Variants in PML observed in about 807,000 individuals in gnomAD.
The protein encoded by PML is protein PML.
A neutral mutation model predicts 65.2 loss-of-function variants in PML; 28 were observed. The ratio of observed to expected loss-of-function variants is 0.43; its 90% confidence interval spans 0.32 to 0.59. The LOEUF is 0.59. Among genes scored for constraint, PML ranks in the 20% least tolerant of loss-of-function variants. PML has a pLI of 0.08. For synonymous variants in PML, 500 were observed against 508.8 expected, an observed-to-expected ratio of 0.98 and a Z score of 0.23; for missense variants, 1,021 against 1,203.4, an observed-to-expected ratio of 0.85 and a Z score of 2.24.
Position 74,022,932 on chromosome 15 carries a change from G to T in PML, c.707G>T (p.Arg236Leu). 8.1e-6 allele frequency: 13 copies of T among 1,612,162 alleles called. No homozygotes were observed. Among genetic ancestry groups the T allele is most frequent in the Admixed American group, 1.7e-5 (1 of 59,800 alleles). Reference protein sequence around the residue: ...KCDISAEIQQRQEELDAMTQA... With the variant: ...KCDISAEIQQLQEELDAMTQA... ...GACATCAGCGCAGAGATCCAGCAGC[G>T]ACAGGAGGAGCTGGACGCCATGACG... Residue 236 changes from arginine (R) to leucine (L), a missense_variant, in exon 3 of 9, where the codon CGA (arginine) becomes CTA (leucine). By Grantham distance (102) the Arg-to-Leu change is moderately radical. Transcript: ENST00000268058.
chr15:74,034,383 G>A (rs1434853909), intron 6 of PML, 95 bp from the exon 7 acceptor site: 14 of 1,554,254 alleles, frequency 9.0e-6, no homozygotes, highest in African/African-American at 4.1e-5. Context: ...TCCCCCAGCC[G>A]ACTGGCCTGC....
At chr15:74,001,976 C>T (rs2069782074) in intron 2 of PML, among the ~76,000 whole-genome samples, 2 of 151,162 alleles carry the variant, frequency 1.3e-5, no homozygotes, top group Middle Eastern at 3.4e-3. Context: ...TTCACTCCAA[C>T]CAGAGCATCA....
intron 2 of PML, 29 bp downstream of exon 2, chr15:73,998,505 T>C: frequency 6.3e-7 from 1 of 1,574,848 alleles, no homozygotes; most frequent in Non-Finnish European, 8.7e-7. Flanking sequence ...GGTGGGGTGG[T>C]GCATCCAAGT....
chr15:73,998,754 T>G (rs954142089), intron 2 of PML, among the ~76,000 whole-genome samples: 7 of 152,188 alleles, frequency 4.6e-5, no homozygotes, highest in African/African-American at 1.7e-4. Context: ...TAGGATAAAT[T>G]TTTAGAAGTG....
chr15:74,009,101 C>T (rs1485140883), intron 2 of PML, among the ~76,000 whole-genome samples: 5 of 152,124 alleles, frequency 3.3e-5, no homozygotes, highest in Non-Finnish European at 7.3e-5. Context: ...CTTGCCTGAC[C>T]AGACATTCTC....
intron 4 of PML, among the ~76,000 whole-genome samples, chr15:74,029,269 T>A (rs1480410822): frequency 3.9e-5 from 6 of 152,100 alleles, no homozygotes; most frequent in Non-Finnish European, 7.3e-5. Flanking sequence ...TGAAAAAAAA[T>A]ATATATTATA....
At chr15:74,033,455 C>G in intron 6 of PML, 41 bp downstream of exon 6, 1 of 1,608,782 alleles carries the variant, frequency 6.2e-7, no homozygotes, top group Non-Finnish European at 8.5e-7. Context: ...TGCTGCCCGC[C>G]AGGGTCTGGG....
chr15:74,016,441 T>A (rs2070578666), intron 2 of PML, among the ~76,000 whole-genome samples: 1 of 152,212 alleles, frequency 6.6e-6, no homozygotes, highest in South Asian at 2.1e-4. Context: ...CACTGAATAA[T>A]CATAAAGGGA....
chr15:73,996,013 A>G (rs935740959), intron 1 of PML, among the ~76,000 whole-genome samples: 14 of 152,118 alleles, frequency 9.2e-5, no homozygotes, highest in Non-Finnish European at 1.5e-4. Flanking sequence ...CGGCCTCCCA[A>G]AGTGCTGGGA....
chr15:74,004,289 G>T (rs998528025), intron 2 of PML, among the ~76,000 whole-genome samples: 7 of 151,594 alleles, frequency 4.6e-5, no homozygotes, highest in Non-Finnish European at 8.8e-5. Flanking sequence ...AATATAGTTG[G>T]ATGGTTTTCA....
In PML at chr15:74,035,985, A is replaced by G. The variant is rs758958596; in HGVS notation, c.1710+1455A>G. ...CCCTTCTCTTGTAACCTTGCAGCCA[A>G]CACCCCTGCCCGGCCCCTGAGCTGC... is the stretch of plus-strand genomic sequence containing the variant. On this transcript the variant is annotated intron_variant, in intron 7 of 8. Transcript: ENST00000268058. This position sits in a 1 kb window ranked among gnomAD's most constrained non-coding sequence, Gnocchi z 4.1. The G allele has an allele frequency of 1.2e-6, 2 of 1,613,984 alleles. No homozygotes were observed. The highest frequency in any genetic ancestry group is 1.3e-5 in the African/African-American group (1 of 74,996).
At chr15:74,039,593 C>A (rs1243097846) in intron 7 of PML, among the ~76,000 whole-genome samples, 2 of 152,198 alleles carry the variant, frequency 1.3e-5, no homozygotes, top group Non-Finnish European at 2.9e-5. Flanking sequence ...GACAATTGTT[C>A]TCAAGCTGGC....
At chr15:74,033,609 T>C (rs776365991) in intron 6 of PML, 195 bp downstream of exon 6, 80 of 729,934 alleles carry the variant, frequency 1.1e-4, no homozygotes, top group Non-Finnish European at 1.6e-4. Context: ...TTTGCCATGA[T>C]TGAGGTGTGG....
At position 74,032,439 on chromosome 15, in the gene PML, C is replaced by T. The variant is rs1312353868; in HGVS notation, c.1255-133C>T. On this transcript the variant is annotated intron_variant, in intron 4 of 8. Coordinates refer to ENST00000268058, the MANE Select transcript of PML (RefSeq NM_033238.3). ...GAGGACTTCTTGTCCCCAGTGAGCT[C>T]GGAGCTTTGAGTCAGGGAGCCTGGA... 1.3e-5 allele frequency: 12 copies of T among 922,002 alleles called. 1 individual carries two copies. In the Admixed American group the frequency reaches 1.4e-4, roughly 10 times the overall value. 57.1% of individuals were successfully genotyped at this position (922,002 alleles called of 1,614,324 possible).
chr15:74,021,468 C>G (rs995219015), intron 2 of PML, among the ~76,000 whole-genome samples: 5 of 151,988 alleles, frequency 3.3e-5, no homozygotes, highest in Admixed American at 6.6e-5. Context: ...GCTTGTAATC[C>G]CAGCTACTCG....
chr15:73,995,874 C>T (rs2069467064), intron 1 of PML, among the ~76,000 whole-genome samples: 1 of 152,014 alleles, frequency 6.6e-6, no homozygotes, highest in Non-Finnish European at 1.5e-5. Context: ...CCTGCCTCAG[C>T]CTCCCGAGTA....
Position 74,037,151 on chromosome 15 carries a change from C to A in PML, c.1710+2621C>A. 2.6e-5 allele frequency: 26 copies of A among 985,420 alleles called. No individual in the cohort carries two copies. The highest frequency in any genetic ancestry group is 3.0e-5 in the Non-Finnish European group (25 of 829,926). 61.0% of individuals were successfully genotyped at this position (985,420 alleles called of 1,614,324 possible). ...CTCCTTGGTGCTCCGCCCAGCATGTCCTTTTGCTCTGCAGGGCAGCCCCCG... is the reference window on the plus strand; with the variant it reads ...CTCCTTGGTGCTCCGCCCAGCATGTACTTTTGCTCTGCAGGGCAGCCCCCG... On this transcript the variant is annotated intron_variant, in intron 7 of 8. Transcript: ENST00000268058. This position sits in a 1 kb window ranked among gnomAD's most constrained non-coding sequence, Gnocchi z 4.2.
At chr15:73,999,475 C>G (rs1595876655) in intron 2 of PML, among the ~76,000 whole-genome samples, 1 of 152,186 alleles carries the variant, frequency 6.6e-6, no homozygotes, top group African/African-American at 2.4e-5. Flanking sequence ...CCCACACTAT[C>G]AGAATAAGCT....
At chr15:74,006,390 C>CAA (rs372202858) in intron 2 of PML, among the ~76,000 whole-genome samples, 1,251 of 87,494 alleles carry the variant, frequency 0.014, 40 homozygotes, top group African/African-American at 0.05. Context: ...GACTCCGTCT[C>CAA]AAAAAAAAAA....
Sources: gnomAD v4.1 joint callset for allele counts (sites outside exome capture counted in the v4.1 genomes callset) on GRCh38, gnomAD v4.1.1 for gene constraint, Gnocchi (gnomAD v3.1) non-coding constraint, MANE v1.5 for transcripts, NCBI Gene and HGNC (gene_info 2026-07-23, HGNC 2026-07-21) for gene names.